Variants in EPC1 observed in about 807,000 individuals in gnomAD.
The protein encoded by EPC1 is enhancer of polycomb 1, also known as enhancer of polycomb homolog 1.
In EPC1, 12 loss-of-function variants were observed where a neutral mutation model predicts 98.4. That is an observed-to-expected ratio of 0.12 (90% confidence interval 0.08 to 0.20). The LOEUF is 0.20. EPC1 is among the 10% of genes least tolerant of loss of function. The pLI, the probability that EPC1 is intolerant of heterozygous loss-of-function variation, is 1.00. For synonymous variants in EPC1, 357 were observed against 363.9 expected (o/e 0.98, Z 0.21); for missense variants, 729 against 990.5 (o/e 0.74, Z 3.54).
chr10:32,364,719 A>C (rs992923782), intron 1 of EPC1, among the ~76,000 whole-genome samples: 4 of 152,114 alleles, frequency 2.6e-5, no homozygotes, highest in Admixed American at 1.3e-4. Flanking sequence ...AAGATAATTT[A>C]CTTTGAGACA....
rs80067773 is a variant in EPC1, at chr10:32,307,818, A to G, written c.154-1887T>C. Reference sequence around the variant, plus strand: ...ATGTCAAGAGAAATATTCTTAGCACACACACCAAACTCAAGGAGAGAGTAC... The same window carrying G: ...ATGTCAAGAGAAATATTCTTAGCACGCACACCAAACTCAAGGAGAGAGTAC... On this transcript the variant is annotated intron_variant, in intron 1 of 13. Transcript: ENST00000319778. 6.9e-3 allele frequency among the ~76,000 whole-genome samples: 1,054 copies of G among 152,368 alleles called. 6 individuals carry two copies. The highest frequency in any genetic ancestry group is 0.011 in the Non-Finnish European group (764 of 68,034).
chr10:32,315,930 A>AAAGT (rs1836523971), intron 1 of EPC1, among the ~76,000 whole-genome samples: 1 of 152,168 alleles, frequency 6.6e-6, no homozygotes, highest in African/African-American at 2.4e-5. Context: ...AATAAATCCC[A>AAAGT]AAGTCCTTAA....
intron 1 of EPC1, chr10:32,345,719 T>G (rs1211781580): frequency 2.6e-6 from 2 of 759,552 alleles, no homozygotes; most frequent in South Asian, 1.2e-4. Context: ...GTCTATTAGT[T>G]GTCAACATTT....
rs1836327428 is a variant in EPC1 at position 32,312,850 on chromosome 10, A to G, written c.154-6919T>C. Among the ~76,000 whole-genome samples, 4 of 152,212 alleles carry G rather than the reference A, an allele frequency of 2.6e-5. 1 individual carries two copies. In the South Asian group the frequency reaches 8.3e-4, roughly 31 times the overall value. ...ATTTTTTTTTGCTTTCAGTAGGAAG[A>G]AGATGCAAAATGGTAAAGACAAGAA... On this transcript the variant is annotated intron_variant, in intron 1 of 13. Coordinates refer to ENST00000319778, the MANE Select transcript of EPC1 (RefSeq NM_001272004.3).
At position 32,310,359 on chromosome 10, in the gene EPC1, C is replaced by T. The variant is rs1836136173; in HGVS notation, c.154-4428G>A. ...TTTGTAAATGTGTATTACATACCTA[C>T]CACGTGGGATTGTGGTTAACATGCC... On this transcript the variant is annotated intron_variant, in intron 1 of 13. Coordinates refer to ENST00000319778, the MANE Select transcript of EPC1 (RefSeq NM_001272004.3). Among the ~76,000 whole-genome samples the T allele has an allele frequency of 4.6e-5, 7 of 152,278 alleles. No individual in the cohort carries two copies. In the South Asian group the frequency reaches 1.5e-3, roughly 32 times the overall value.
chr10:32,302,985 T>A (rs1035614994), intron 2 of EPC1, among the ~76,000 whole-genome samples: 1 of 152,012 alleles, frequency 6.6e-6, no homozygotes, highest in African/African-American at 2.4e-5. Context: ...ACTACACTCA[T>A]GAATATATAC....
intron 11 of EPC1, among the ~76,000 whole-genome samples, chr10:32,272,486 A>G (rs1349641485): frequency 6.6e-6 from 1 of 152,230 alleles, no homozygotes; most frequent in Admixed American, 6.5e-5. Flanking sequence ...GACAAGAAAT[A>G]TGCTAGTAAA....
At chr10:32,323,696 A>G (rs2505407) in intron 1 of EPC1, among the ~76,000 whole-genome samples, 150,363 of 152,290 alleles carry the variant, frequency 0.99, 74,251 homozygotes, top group Middle Eastern at 1. Flanking sequence ...ATTATAAGAA[A>G]AAACTGAAAC....
At chr10:32,346,423 C>T (rs1450604968) in intron 1 of EPC1, 1 of 218,652 alleles carries the variant, frequency 4.6e-6, no homozygotes, top group Non-Finnish European at 9.3e-6. Context: ...CAGCCCGTTC[C>T]CCTCTCCGGA....
intron 2 of EPC1, among the ~76,000 whole-genome samples, chr10:32,298,618 G>C (rs1225725655): frequency 6.6e-6 from 1 of 152,200 alleles, no homozygotes; most frequent in East Asian, 1.9e-4. Context: ...TCAGCTCTAA[G>C]ATAAAGATAT....
chr10:32,271,095 G>A (rs1270938695), intron 13 of EPC1, among the ~76,000 whole-genome samples: 3 of 151,630 alleles, frequency 2.0e-5, no homozygotes, highest in Non-Finnish European at 4.4e-5. Context: ...AGGTTCAAGC[G>A]ATTCTCCTGC....
intron 1 of EPC1, among the ~76,000 whole-genome samples, chr10:32,320,993 A>T (rs558556146): frequency 5.3e-5 from 8 of 152,150 alleles, no homozygotes; most frequent in Non-Finnish European, 1.2e-4. Context: ...GGGAAACATC[A>T]TCTTGTAACT....
rs1205425774 is a variant in EPC1, at chr10:32,353,086, C to T, written c.3+25405G>A. 1.1e-4 allele frequency among the ~76,000 whole-genome samples: 16 copies of T among 148,188 alleles called. No homozygotes were observed. In the South Asian group the frequency reaches 3.2e-3, roughly 29 times the overall value. ...AGAAAAATACCTTGAACCAAGGAGG[C>T]GGAGGTTGCAATGAGCCAAGATCGC... On this transcript the variant is annotated intron_variant, in intron 1 of 13. Transcript: ENST00000375110.
At chr10:32,357,900 G>A (rs1839325246) in intron 1 of EPC1, among the ~76,000 whole-genome samples, 1 of 145,650 alleles carries the variant, frequency 6.9e-6, no homozygotes, top group African/African-American at 2.6e-5. Flanking sequence ...CTGTTGCCAG[G>A]CTGGAATGTA....
chr10:32,378,695 G>A (rs1839920001), exon 1 of EPC1: 1 of 489,438 alleles, frequency 2.0e-6, no homozygotes. Context: ...GTGGGCTTTT[G>A]GGGGAAATCG....
intron 10 of EPC1, chr10:32,282,857 GA>G (rs1836480133): frequency 6.6e-6 from 1 of 152,152 alleles, no homozygotes; most frequent in Admixed American, 6.5e-5. Context: ...TTACAGCTTA[GA>G]AAGCTTAATT....
In EPC1 at chr10:32,296,906, C is replaced by CAA. The variant is rs879816360; in HGVS notation, c.314-3171_314-3170dup. The stretch of plus-strand genomic sequence containing the variant: ...TGGGCGACAGAGCAAGACTCCATCT[C>CAA]AAAAAAAAAAAAAATTATTAAATAG... On this transcript the variant is annotated intron_variant, in intron 2 of 13. Coordinates refer to ENST00000319778, the MANE Select transcript of EPC1 (RefSeq NM_001272004.3). Among the ~76,000 whole-genome samples the CAA allele has an allele frequency of 2.9e-3, 382 of 129,616 alleles. 1 individual carries two copies. The highest frequency in any genetic ancestry group is 9.9e-3 in the African/African-American group (360 of 36,504). 85.0% of individuals were successfully genotyped at this position (129,616 alleles called of 152,430 possible). A position where few individuals can be genotyped will look rare whatever the true frequency, so the allele number is the denominator to read the frequency against.
At position 32,342,141 on chromosome 10, in the gene EPC1, T is replaced by A. The variant is rs1159089887; in HGVS notation, c.153+4622A>T. On this transcript the variant is annotated intron_variant, in intron 1 of 13. Transcript: ENST00000319778. ...CCCCATACTCTCAATTCTTTTCTAATTCAAACTATCTGTAATTAGTTTGTT... is the reference window on the plus strand; with the variant it reads ...CCCCATACTCTCAATTCTTTTCTAAATCAAACTATCTGTAATTAGTTTGTT... 2.0e-5 allele frequency among the ~76,000 whole-genome samples: 3 copies of A among 152,252 alleles called. 1 individual carries two copies. The highest frequency in any genetic ancestry group is 1.3e-4 in the Admixed American group (2 of 15,288).
chr10:32,355,607 CTT>C lies in EPC1; in HGVS notation c.3+22882_3+22883del, dbSNP rs542748610. Among the ~76,000 whole-genome samples the C allele has an allele frequency of 3.9e-3, 285 of 72,788 alleles. 7 individuals are homozygous for C. Among genetic ancestry groups the C allele is most frequent in the Middle Eastern group, 0.03 (3 of 100 alleles). The allele number at this position is 72,788 out of a possible 152,430, so 47.8% of individuals were successfully genotyped here. A position where few individuals can be genotyped will look rare whatever the true frequency, so the allele number is the denominator to read the frequency against. On this transcript the variant is annotated intron_variant, in intron 1 of 13. Coordinates refer to the EPC1 transcript ENST00000375110. ...AACACACTACCTTTAGTGCCTTACCCTTTTTTTTTTTTTTTTTTTTTTTTTTT... is the reference window on the plus strand; with the variant it reads ...AACACACTACCTTTAGTGCCTTACCCTTTTTTTTTTTTTTTTTTTTTTTTT...
Sources: allele counts gnomAD v4.1 joint callset (sites outside exome capture counted in the v4.1 genomes callset), GRCh38; gene constraint gnomAD v4.1.1; transcripts MANE v1.5; gene names NCBI Gene and HGNC (gene_info 2026-07-23, HGNC 2026-07-21).